The following HMGCLL1 variants were observed in gnomAD, a reference collection of about 807,000 sequenced individuals.
The protein encoded by HMGCLL1 is 3-hydroxy-3-methylglutaryl-CoA lyase like 1.
Under a neutral mutation model 39.1 loss-of-function variants are expected in HMGCLL1, and 36 were observed. That is an observed-to-expected ratio of 0.92 (90% CI 0.71 to 1.22). The LOEUF is 1.22. Among genes scored for constraint, HMGCLL1 ranks in the 50% most tolerant of loss-of-function variants. HMGCLL1 has a pLI of 0.00. For synonymous variants in HMGCLL1, 149 were observed against 144.0 expected (o/e 1.03, Z -0.25); for missense variants, 451 against 416.5 (o/e 1.08, Z -0.72).
intron 1 of HMGCLL1, chr6:55,566,522 C>A: frequency 2.3e-6 from 1 of 442,900 alleles, no homozygotes; most frequent in South Asian, 1.6e-5. Context: ...GAAAAAAGAG[C>A]CCGAACACTG....
At chr6:55,506,132 C>T (rs768318641) in intron 5 of HMGCLL1, among the ~76,000 whole-genome samples, 2 of 151,684 alleles carry the variant, frequency 1.3e-5, no homozygotes, top group Non-Finnish European at 3.0e-5. Flanking sequence ...AGAAAGCTTC[C>T]TGTGTCAAGC....
the HMGCLL1 span, among the ~76,000 whole-genome samples, chr6:55,639,096 T>G: frequency 6.6e-6 from 1 of 152,082 alleles, no homozygotes; most frequent in South Asian, 2.1e-4. Flanking sequence ...TTGCTTTAGT[T>G]TTCTTATTCA....
intron 5 of HMGCLL1, 31 bp downstream of exon 5, chr6:55,514,017 C>CAAAA (rs2127436140): frequency 6.3e-7 from 1 of 1,598,424 alleles, no homozygotes; most frequent in East Asian, 2.3e-5. Flanking sequence ...TAAACATTAA[C>CAAAA]AAAACAGAAT....
At chr6:55,624,546 C>T in the HMGCLL1 span, among the ~76,000 whole-genome samples, 3 of 152,168 alleles carry the variant, frequency 2.0e-5, no homozygotes, top group African/African-American at 7.2e-5. Context: ...TCAGAGGGAC[C>T]TTGATCCCTT....
chr6:55,510,849 C>G (rs1009330911), intron 5 of HMGCLL1, among the ~76,000 whole-genome samples: 4 of 150,532 alleles, frequency 2.7e-5, no homozygotes, highest in Admixed American at 1.3e-4. Flanking sequence ...TTTATAATTT[C>G]TATTTATAAT....
intron 7 of HMGCLL1, among the ~76,000 whole-genome samples, chr6:55,485,416 A>G (rs572681747): frequency 1.3e-5 from 2 of 152,238 alleles, no homozygotes; most frequent in East Asian, 1.9e-4. Flanking sequence ...CTAGAACAGT[A>G]TCTGATAGTA....
chr6:55,554,036 T>G (rs547054281), intron 1 of HMGCLL1, among the ~76,000 whole-genome samples: 1 of 152,210 alleles, frequency 6.6e-6, no homozygotes, highest in South Asian at 2.1e-4. Flanking sequence ...AGTTTGAACC[T>G]TTGAGAGGCA....
chr6:55,605,723 A>G, the HMGCLL1 span, among the ~76,000 whole-genome samples: 40 of 152,258 alleles, frequency 2.6e-4, no homozygotes, highest in African/African-American at 8.2e-4. Flanking sequence ...TATTTTCTAT[A>G]GTGCTGTATC....
chr6:55,588,455 A>G, the HMGCLL1 span, among the ~76,000 whole-genome samples: 1 of 152,146 alleles, frequency 6.6e-6, no homozygotes, highest in Non-Finnish European at 1.5e-5. Flanking sequence ...GAAAGCAGGA[A>G]AGATCTAAAA....
chr6:55,537,022 A>G (rs1769074212), intron 3 of HMGCLL1, among the ~76,000 whole-genome samples: 1 of 152,166 alleles, frequency 6.6e-6, no homozygotes, highest in Admixed American at 6.6e-5. Flanking sequence ...ATTTCAACCA[A>G]TATATATGTA....
chr6:55,565,124 C>T (rs1771150584), intron 1 of HMGCLL1, among the ~76,000 whole-genome samples: 1 of 151,978 alleles, frequency 6.6e-6, no homozygotes, highest in South Asian at 2.1e-4. Flanking sequence ...ACCTAAGTTC[C>T]TACTAGTCAA....
intron 3 of HMGCLL1, among the ~76,000 whole-genome samples, chr6:55,539,544 G>C (rs1034066546): frequency 1.3e-5 from 2 of 151,902 alleles, no homozygotes; most frequent in Non-Finnish European, 2.9e-5. Context: ...GCAAGGATAC[G>C]GATGAAGCTG....
chr6:55,569,833 G>C, intron 1 of HMGCLL1, among the ~76,000 whole-genome samples: 1 of 152,264 alleles, frequency 6.6e-6, no homozygotes, highest in East Asian at 1.9e-4. Flanking sequence ...AGACAAAGCC[G>C]CACTCCCCTG....
chr6:55,579,047 A>C lies in HMGCLL1; in HGVS notation c.9T>G (p.Asn3Lys). 1 of 1,610,994 alleles carries C rather than the reference A, an allele frequency of 6.2e-7. No individual in the cohort carries two copies. The highest frequency in any genetic ancestry group is 8.5e-7 in the Non-Finnish European group (1 of 1,178,434). MG[N>K]VPSAVKHCLS... ...GGCAGTGCTTCACCGCGGATGGCAC[A>C]TTCCCCATGGCGGAGCCTGGGGCGG... Residue 3 changes from asparagine (N) to lysine (K), a missense_variant, in exon 1 of 9, where the codon AAT becomes AAG. Asn to Lys is a moderately conservative substitution (Grantham distance 94). Transcript: ENST00000274901.
chr6:55,569,831 C>G (rs1289284483), intron 1 of HMGCLL1, among the ~76,000 whole-genome samples: 1 of 152,144 alleles, frequency 6.6e-6, no homozygotes, highest in Non-Finnish European at 1.5e-5. Context: ...AGAGACAAAG[C>G]CGCACTCCCC....
the HMGCLL1 span, among the ~76,000 whole-genome samples, chr6:55,650,693 A>G: frequency 6.6e-6 from 1 of 151,998 alleles, no homozygotes; most frequent in African/African-American, 2.4e-5. Context: ...AGAGAAAACA[A>G]TCTTGGCAAT....
At chr6:55,516,362 G>T in intron 4 of HMGCLL1, 146 bp downstream of exon 4, 3 of 458,640 alleles carry the variant, frequency 6.5e-6, no homozygotes, top group Admixed American at 3.6e-5. Flanking sequence ...ATGCTGTGAG[G>T]ACTTGGAGCT....
chr6:55,542,251 A>C, intron 1 of HMGCLL1, 111 bp from the exon 2 acceptor site: 1 of 577,108 alleles, frequency 1.7e-6, no homozygotes, highest in Non-Finnish European at 3.0e-6. Flanking sequence ...AGAGAATTAA[A>C]ATACTGAAAA....
At chr6:55,639,229 A>G in the HMGCLL1 span, among the ~76,000 whole-genome samples, 1 of 151,988 alleles carries the variant, frequency 6.6e-6, no homozygotes, top group South Asian at 2.1e-4. Flanking sequence ...CCTAATAACA[A>G]AAACAGCATA....
Sources: gnomAD v4.1 joint callset for allele counts (sites outside exome capture counted in the v4.1 genomes callset) on GRCh38, gnomAD v4.1.1 for gene constraint, MANE v1.5 for transcripts, NCBI Gene and HGNC (gene_info 2026-07-23, HGNC 2026-07-21) for gene names.